Variants in PABPC4L observed in about 807,000 individuals in gnomAD.
The protein encoded by PABPC4L is poly(A) binding protein cytoplasmic 4 like.
For missense variants in PABPC4L, 452 were observed against 451.4 expected (o/e 1.00, Z -0.01); for synonymous variants, 169 against 164.1 (o/e 1.03, Z -0.23).
At chr4:134,015,071 A>G in the PABPC4L span, among the ~76,000 whole-genome samples, 10 of 151,714 alleles carry the variant, frequency 6.6e-5, no homozygotes, top group Admixed American at 2.6e-4. Context: ...AGTATAAGAC[A>G]CCTCTACTCC....
chr4:134,055,758 C>G, the PABPC4L span, among the ~76,000 whole-genome samples: 1 of 147,672 alleles, frequency 6.8e-6, no homozygotes, highest in South Asian at 2.2e-4. Flanking sequence ...AATATTCTTT[C>G]TCAATTTTGT....
At chr4:133,957,570 A>G in the PABPC4L span, among the ~76,000 whole-genome samples, 18 of 152,274 alleles carry the variant, frequency 1.2e-4, no homozygotes, top group Admixed American at 3.3e-4. Context: ...TTACAGCCCC[A>G]CTAGGCAGTG....
the PABPC4L span, among the ~76,000 whole-genome samples, chr4:134,046,835 T>A: frequency 6.6e-6 from 1 of 152,194 alleles, no homozygotes; most frequent in Admixed American, 6.5e-5. Context: ...CAACACATGT[T>A]TCTGTGAGCA....
chr4:134,099,075 T>C, the PABPC4L span, among the ~76,000 whole-genome samples: 1 of 151,588 alleles, frequency 6.6e-6, no homozygotes, highest in African/African-American at 2.4e-5. Context: ...CAGTAGAGAG[T>C]GTTTGTGAGA....
chr4:134,170,690 T>A, the PABPC4L span, among the ~76,000 whole-genome samples: 1 of 152,030 alleles, frequency 6.6e-6, no homozygotes, highest in Admixed American at 6.6e-5. Context: ...ACCAAGAGGA[T>A]GACAATAGAC....
chr4:134,087,642 C>G, the PABPC4L span, among the ~76,000 whole-genome samples: 8 of 152,114 alleles, frequency 5.3e-5, no homozygotes, highest in Non-Finnish European at 7.4e-5. Context: ...AGCTGCATTC[C>G]AAGCTCAGGT....
At chr4:134,095,090 TTA>T in the PABPC4L span, among the ~76,000 whole-genome samples, 1 of 151,814 alleles carries the variant, frequency 6.6e-6, no homozygotes, top group African/African-American at 2.4e-5. Flanking sequence ...CAGATTGTTC[TTA>T]TAATGTTTCC....
chr4:134,069,275 T>G, the PABPC4L span, among the ~76,000 whole-genome samples: 11 of 152,160 alleles, frequency 7.2e-5, no homozygotes, highest in Non-Finnish European at 1.6e-4. Flanking sequence ...ATTTTGGTGT[T>G]GGAGAATATG....
At chr4:134,178,182 C>T in the PABPC4L span, among the ~76,000 whole-genome samples, 105,534 of 151,660 alleles carry the variant, frequency 0.7, 38,047 homozygotes, top group East Asian at 1. Context: ...ATAGCTTGTT[C>T]GCTAACTCAG....
At chr4:134,119,435 A>T in the PABPC4L span, among the ~76,000 whole-genome samples, 1 of 151,882 alleles carries the variant, frequency 6.6e-6, no homozygotes, top group Non-Finnish European at 1.5e-5. Context: ...TTTTCAAAAT[A>T]ATAGTTGCCT....
At chr4:134,029,084 G>T in the PABPC4L span, among the ~76,000 whole-genome samples, 1 of 152,056 alleles carries the variant, frequency 6.6e-6, no homozygotes, top group Non-Finnish European at 1.5e-5. Flanking sequence ...ATTTTTATAA[G>T]TATATTCAGA....
the PABPC4L span, among the ~76,000 whole-genome samples, chr4:134,153,503 A>G: frequency 3.9e-5 from 6 of 152,142 alleles, no homozygotes; most frequent in Non-Finnish European, 5.9e-5. Context: ...TATTTTCAAA[A>G]TTTATTTAAT....
the PABPC4L span, among the ~76,000 whole-genome samples, chr4:134,181,695 A>C: frequency 6.6e-6 from 1 of 152,160 alleles, no homozygotes; most frequent in Non-Finnish European, 1.5e-5. Flanking sequence ...AAATCAATAT[A>C]TAAAAATCAG....
At chr4:134,123,891 G>GA in the PABPC4L span, among the ~76,000 whole-genome samples, 6 of 151,434 alleles carry the variant, frequency 4.0e-5, no homozygotes, top group Non-Finnish European at 7.4e-5. Context: ...AGCTGCAATT[G>GA]AAAAAAAAGT....
the PABPC4L span, among the ~76,000 whole-genome samples, chr4:134,112,987 T>C: frequency 6.7e-6 from 1 of 149,736 alleles, no homozygotes; most frequent in South Asian, 2.1e-4. Context: ...TCTAGGCTAA[T>C]GTGTGTGTGT....
chr4:134,169,072 G>A, the PABPC4L span, among the ~76,000 whole-genome samples: 1 of 151,942 alleles, frequency 6.6e-6, no homozygotes, highest in Non-Finnish European at 1.5e-5. Flanking sequence ...CTAGCAAACT[G>A]AATTCAACAA....
the PABPC4L span, among the ~76,000 whole-genome samples, chr4:134,043,909 T>TGA: frequency 5.3e-5 from 8 of 151,546 alleles, no homozygotes; most frequent in African/African-American, 1.9e-4. Context: ...TATATATGTG[T>TGA]GTGTGTGTGT....
the PABPC4L span, among the ~76,000 whole-genome samples, chr4:134,093,585 T>G: frequency 7.1e-6 from 1 of 141,246 alleles, no homozygotes; most frequent in African/African-American, 2.6e-5. Flanking sequence ...TTTTTTTTTC[T>G]TTTTGAGACC....
chr4:133,960,446 TC>T, the PABPC4L span, among the ~76,000 whole-genome samples: 1 of 152,132 alleles, frequency 6.6e-6, no homozygotes, highest in Non-Finnish European at 1.5e-5. Flanking sequence ...AGCAGGCCAT[TC>T]CTGCCTGGCA....
Sources: allele counts gnomAD v4.1 joint callset (sites outside exome capture counted in the v4.1 genomes callset), GRCh38; gene constraint gnomAD v4.1.1; transcripts MANE v1.5; gene names NCBI Gene and HGNC (gene_info 2026-07-23, HGNC 2026-07-21).